Variants in NRG2 observed in about 807,000 individuals in gnomAD.
NRG2 encodes pro-neuregulin-2, membrane-bound isoform.
A neutral mutation model predicts 73.9 loss-of-function variants in NRG2; 27 were observed. That is an observed-to-expected ratio of 0.37 (90% CI 0.27 to 0.50). The LOEUF (loss-of-function observed/expected upper bound fraction) is 0.50. Ranked by LOEUF, NRG2 falls within the 20% of genes least tolerant of loss-of-function variation. The pLI is 0.96. For missense variants in NRG2, 1,126 were observed against 1,210.1 expected (o/e 0.93, Z 1.03); for synonymous variants, 532 against 541.0 (o/e 0.98, Z 0.23).
In NRG2 at chr5:139,852,428, C is replaced by CT. The variant is rs770269310; in HGVS notation, c.1544+3dup. The CT allele has an allele frequency of 6.2e-7, 1 of 1,612,338 alleles. No homozygotes were observed. The highest frequency in any genetic ancestry group is 8.5e-7 in the Non-Finnish European group (1 of 1,179,394). On this transcript the variant is annotated splice_donor_region_variant and intron_variant, in intron 8 of 9. Coordinates refer to ENST00000361474, the MANE Select transcript of NRG2 (RefSeq NM_004883.3). The surrounding 1 kb of genome is among the most constrained non-coding windows in gnomAD (Gnocchi z 4.4). ...AAGTTTCCATGGGCCTTGGTGGTGCCTACCTGTGGCTGGAGGTGGGTGTGG... is the reference window on the plus strand; with the variant it reads ...AAGTTTCCATGGGCCTTGGTGGTGCCTTACCTGTGGCTGGAGGTGGGTGTGG...
In NRG2 at chr5:139,856,739, A is replaced by G. The variant is rs755108163; in HGVS notation, c.1190-961T>C. ...AGGGCTACAAACCCTCCAGACACACAGAGATTTCTAACTATGCCTATCTGA... is the reference window on the plus strand; with the variant it reads ...AGGGCTACAAACCCTCCAGACACACGGAGATTTCTAACTATGCCTATCTGA... On this transcript the variant is annotated intron_variant, in intron 5 of 9. Coordinates refer to ENST00000361474, the MANE Select transcript of NRG2 (RefSeq NM_004883.3). The surrounding 1 kb of genome is among the most constrained non-coding windows in gnomAD (Gnocchi z 4.2). Among the ~76,000 whole-genome samples the G allele has an allele frequency of 9.8e-5, 15 of 152,332 alleles. No individual in the cohort carries two copies. The highest frequency in any genetic ancestry group is 2.6e-4 in the Admixed American group (4 of 15,308).
chr5:139,917,724 T>C (rs1751368991), intron 1 of NRG2, among the ~76,000 whole-genome samples: 1 of 152,206 alleles, frequency 6.6e-6, no homozygotes, highest in Non-Finnish European at 1.5e-5. Context: ...ATATGTTCAT[T>C]TTTAGTTGGG....
chr5:139,909,905 A>G (rs1053143136), intron 1 of NRG2, among the ~76,000 whole-genome samples: 4 of 152,186 alleles, frequency 2.6e-5, no homozygotes, highest in Non-Finnish European at 4.4e-5. Flanking sequence ...CCTCTTGCCA[A>G]ATCTGCATCA....
intron 1 of NRG2, among the ~76,000 whole-genome samples, chr5:139,924,235 G>C (rs978534359): frequency 6.6e-6 from 1 of 152,212 alleles, no homozygotes; most frequent in Non-Finnish European, 1.5e-5. Flanking sequence ...TCTCCGGGGG[G>C]ATTGCCATCT....
intron 1 of NRG2, among the ~76,000 whole-genome samples, chr5:140,033,641 C>T (rs542276706): frequency 2.6e-5 from 4 of 152,324 alleles, no homozygotes; most frequent in African/African-American, 9.6e-5. Flanking sequence ...TCCACCAGAT[C>T]CAGCCCAATA....
At chr5:139,855,518 G>A (rs1006933545) in intron 6 of NRG2, among the ~76,000 whole-genome samples, 158 bp downstream of exon 6, 2 of 152,146 alleles carry the variant, frequency 1.3e-5, no homozygotes, top group African/African-American at 2.4e-5. Flanking sequence ...TCTTTGGCTC[G>A]ACACCCACCC....
intron 1 of NRG2, among the ~76,000 whole-genome samples, chr5:139,946,414 A>G (rs1753804324): frequency 6.6e-6 from 1 of 152,108 alleles, no homozygotes; most frequent in Admixed American, 6.5e-5. Context: ...ACAACTAGAT[A>G]TCCACAGCAA....
chr5:139,874,879 A>G (rs2127084400), intron 3 of NRG2, among the ~76,000 whole-genome samples: 1 of 152,274 alleles, frequency 6.6e-6, no homozygotes, highest in South Asian at 2.1e-4. Context: ...TGTTCAAAAT[A>G]CAACAAGTGT....
At chr5:139,909,371 C>T (rs1765445649) in intron 1 of NRG2, among the ~76,000 whole-genome samples, 1 of 152,202 alleles carries the variant, frequency 6.6e-6, no homozygotes, top group Non-Finnish European at 1.5e-5. Flanking sequence ...CTTACCTATA[C>T]AATTCTCCTG....
rs572814692 is a variant in NRG2 at position 140,001,971 on chromosome 5, C to T, written c.700+40399G>A. Among the ~76,000 whole-genome samples the T allele has an allele frequency of 2.6e-5, 4 of 152,090 alleles. No individual in the cohort carries two copies. In the East Asian group the frequency reaches 7.7e-4, roughly 29 times the overall value. On this transcript the variant is annotated intron_variant, in intron 1 of 9. Transcript: ENST00000361474. Reference sequence around the variant, plus strand: ...GCTAAGGTGGGAGGGTTCCTTGAGCCCACGAGTTTGAGACCAGCCTGGGCA... The same window carrying T: ...GCTAAGGTGGGAGGGTTCCTTGAGCTCACGAGTTTGAGACCAGCCTGGGCA...
intron 1 of NRG2, among the ~76,000 whole-genome samples, chr5:139,948,418 G>C (rs148900866): frequency 6.6e-6 from 1 of 152,056 alleles, no homozygotes; most frequent in Non-Finnish European, 1.5e-5. Context: ...CCCACACAGA[G>C]GTCCGCTTCA....
intron 1 of NRG2, among the ~76,000 whole-genome samples, chr5:139,957,305 CTCTG>C (rs1356225627): frequency 1.5e-4 from 18 of 123,976 alleles, no homozygotes; most frequent in African/African-American, 4.1e-4. Context: ...ACTCAAGAAT[CTCTG>C]TGTGTGTGTG....
At chr5:139,888,764 T>C (rs1764033286) in intron 1 of NRG2, among the ~76,000 whole-genome samples, 1 of 152,102 alleles carries the variant, frequency 6.6e-6, no homozygotes, top group Non-Finnish European at 1.5e-5. Context: ...GCTTACACAA[T>C]GATTCTCGTA....
At chr5:139,980,438 A>G (rs536942475) in intron 1 of NRG2, among the ~76,000 whole-genome samples, 2 of 152,118 alleles carry the variant, frequency 1.3e-5, no homozygotes, top group Non-Finnish European at 2.9e-5. Context: ...GTCAGAGTCC[A>G]AGCCTTAGAT....
intron 1 of NRG2, among the ~76,000 whole-genome samples, chr5:139,989,129 G>T (rs192255603): frequency 2.0e-5 from 3 of 152,118 alleles, no homozygotes; most frequent in South Asian, 2.1e-4. Flanking sequence ...AATTATGGAA[G>T]ATTTGTACAA....
rs904037516 is a variant in NRG2, at chr5:139,853,684, T to C, written c.1293-657A>G. 4.6e-5 allele frequency among the ~76,000 whole-genome samples: 7 copies of C among 152,146 alleles called. No individual in the cohort carries two copies. Among genetic ancestry groups the C allele is most frequent in the African/African-American group, 1.4e-4 (6 of 41,428 alleles). ...ATTAAATGCTCGATTTATTTGATATTAAATCTAATCATGTCCCTCCCCTGT... is the reference window on the plus strand; with the variant it reads ...ATTAAATGCTCGATTTATTTGATATCAAATCTAATCATGTCCCTCCCCTGT... On this transcript the variant is annotated intron_variant, in intron 6 of 9. Coordinates refer to ENST00000361474, the MANE Select transcript of NRG2 (RefSeq NM_004883.3). The surrounding 1 kb of genome is among the most constrained non-coding windows in gnomAD (Gnocchi z 4.1).
intron 1 of NRG2, among the ~76,000 whole-genome samples, chr5:139,932,001 T>C (rs1683654512): frequency 6.6e-6 from 1 of 152,240 alleles, no homozygotes; most frequent in South Asian, 2.1e-4. Flanking sequence ...TGTAGATTGG[T>C]ACGGCCATTA....
intron 1 of NRG2, among the ~76,000 whole-genome samples, chr5:139,929,798 C>T (rs1457930615): frequency 2.6e-5 from 4 of 152,166 alleles, no homozygotes; most frequent in African/African-American, 4.8e-5. Flanking sequence ...TGGGGCTTGA[C>T]GCTCCACAAA....
At chr5:139,922,696 A>G (rs1158535498) in intron 1 of NRG2, among the ~76,000 whole-genome samples, 1 of 152,260 alleles carries the variant, frequency 6.6e-6, no homozygotes, top group Non-Finnish European at 1.5e-5. Flanking sequence ...CTTGGAAGCT[A>G]CCAAGATGTC....
Sources: allele counts gnomAD v4.1 joint callset (sites outside exome capture counted in the v4.1 genomes callset), GRCh38; gene constraint gnomAD v4.1.1; non-coding constraint Gnocchi (gnomAD v3.1); transcripts MANE v1.5; gene names NCBI Gene and HGNC (gene_info 2026-07-23, HGNC 2026-07-21).